Variants in DLC1 observed in about 807,000 individuals in gnomAD.
The protein encoded by DLC1 is DLC1 Rho GTPase activating protein.
A neutral mutation model predicts 140.3 loss-of-function variants in DLC1; 54 were observed. That is an observed-to-expected ratio of 0.38 (90% confidence interval 0.31 to 0.48). DLC1 has a LOEUF of 0.48. Ranked by LOEUF, DLC1 falls within the 20% of genes least tolerant of loss-of-function variation. The pLI is 0.96. For missense variants in DLC1, 2,536 were observed against 1,907.0 expected, an observed-to-expected ratio of 1.33 and a Z score of -6.14; for synonymous variants, 986 against 728.1, an observed-to-expected ratio of 1.35 and a Z score of -5.70.
intron 4 of DLC1, among the ~76,000 whole-genome samples, chr8:13,346,827 C>CA (rs1376218725): frequency 5.3e-5 from 8 of 152,114 alleles, no homozygotes; most frequent in Admixed American, 5.2e-4. Flanking sequence ...CTCTTGGATC[C>CA]AAAACAGGAG....
intron 5 of DLC1, among the ~76,000 whole-genome samples, chr8:13,185,883 A>G (rs973992922): frequency 9.9e-5 from 15 of 152,044 alleles, no homozygotes; most frequent in African/African-American, 3.4e-4. Context: ...TCTGTAAAGG[A>G]TTTTATTTCT....
At chr8:13,362,212 C>T (rs911144120) in intron 4 of DLC1, among the ~76,000 whole-genome samples, 6 of 152,192 alleles carry the variant, frequency 3.9e-5, no homozygotes, top group Middle Eastern at 3.4e-3. Context: ...AAGATGACCT[C>T]GATGACACTT....
At chr8:13,528,595 T>C (rs1802994540) in intron 1 of DLC1, among the ~76,000 whole-genome samples, 1 of 152,174 alleles carries the variant, frequency 6.6e-6, no homozygotes, top group South Asian at 2.1e-4. Flanking sequence ...TAGTTTTTTG[T>C]GGGCCAAAGT....
At chr8:13,400,750 A>G (rs1280535799) in intron 3 of DLC1, among the ~76,000 whole-genome samples, 1 of 152,084 alleles carries the variant, frequency 6.6e-6, no homozygotes, top group Non-Finnish European at 1.5e-5. Flanking sequence ...TTGAAAAGTG[A>G]TTCATAGCTT....
At chr8:13,187,700 A>G (rs1391924036) in intron 5 of DLC1, among the ~76,000 whole-genome samples, 1 of 152,206 alleles carries the variant, frequency 6.6e-6, no homozygotes, top group Admixed American at 6.5e-5. Flanking sequence ...GAGAAAAGGA[A>G]TGAGGAAATT....
intron 1 of DLC1, among the ~76,000 whole-genome samples, chr8:13,577,289 T>C (rs1195231478): frequency 6.6e-6 from 1 of 152,186 alleles, no homozygotes; most frequent in Non-Finnish European, 1.5e-5. Context: ...AGCTGCAACT[T>C]ACCAAGCCTA....
chr8:13,465,577 T>C (rs2117043600), intron 2 of DLC1, among the ~76,000 whole-genome samples: 1 of 152,302 alleles, frequency 6.6e-6, no homozygotes, highest in African/African-American at 2.4e-5. Flanking sequence ...GTTCTTCTTC[T>C]GGGTTATTTG....
At chr8:13,531,034 G>A (rs2117306332) in intron 1 of DLC1, among the ~76,000 whole-genome samples, 1 of 152,180 alleles carries the variant, frequency 6.6e-6, no homozygotes, top group Non-Finnish European at 1.5e-5. Context: ...TAGGCTTAGT[G>A]GCTTCATATG....
intron 1 of DLC1, among the ~76,000 whole-genome samples, chr8:13,525,611 C>G (rs372979535): frequency 2.0e-5 from 3 of 152,232 alleles, no homozygotes; most frequent in East Asian, 3.9e-4. Flanking sequence ...TTTTCACATG[C>G]GTATTTGTCA....
At chr8:13,472,054 A>G (rs1800232379) in intron 2 of DLC1, among the ~76,000 whole-genome samples, 1 of 152,248 alleles carries the variant, frequency 6.6e-6, no homozygotes, top group African/African-American at 2.4e-5. Flanking sequence ...GTTAAGATGG[A>G]AAATTTTTAA....
At chr8:13,352,216 A>T (rs1423916206) in intron 4 of DLC1, among the ~76,000 whole-genome samples, 2 of 152,156 alleles carry the variant, frequency 1.3e-5, no homozygotes, top group East Asian at 1.9e-4. Context: ...TGTTCCGAAC[A>T]CACGCACGGC....
At chr8:13,377,231 A>T (rs760297602) in intron 4 of DLC1, among the ~76,000 whole-genome samples, 1 of 152,210 alleles carries the variant, frequency 6.6e-6, no homozygotes, top group African/African-American at 2.4e-5. Flanking sequence ...AAGATTTCCA[A>T]TGTTTGTTCA....
At chr8:13,465,564 C>G (rs987218778) in intron 2 of DLC1, among the ~76,000 whole-genome samples, 3 of 151,582 alleles carry the variant, frequency 2.0e-5, no homozygotes, top group South Asian at 2.1e-4. Flanking sequence ...CATTTTTTTG[C>G]CCGTTCTTCT....
chr8:13,588,067 A>C (rs569070973), intron 1 of DLC1, among the ~76,000 whole-genome samples: 1 of 152,230 alleles, frequency 6.6e-6, no homozygotes, highest in South Asian at 2.1e-4. Context: ...AGGTTTTAAA[A>C]GTCAGACAGT....
chr8:13,251,785 T>G (rs1015335646), intron 5 of DLC1, among the ~76,000 whole-genome samples: 25 of 152,194 alleles, frequency 1.6e-4, no homozygotes, highest in African/African-American at 5.5e-4. Flanking sequence ...TTCCCTAATC[T>G]GTTTGAAAGT....
chr8:13,418,421 C>T (rs1838169168), intron 2 of DLC1, among the ~76,000 whole-genome samples: 1 of 152,148 alleles, frequency 6.6e-6, no homozygotes, highest in Non-Finnish European at 1.5e-5. Context: ...CCAGTTTCAG[C>T]TTTCTACATA....
At chr8:13,453,317 G>T (rs1190554226) in intron 2 of DLC1, among the ~76,000 whole-genome samples, 1 of 141,574 alleles carries the variant, frequency 7.1e-6, no homozygotes, top group African/African-American at 2.6e-5. Flanking sequence ...TCCTTAGGAG[G>T]TGTTTTTGGT....
At chr8:13,241,400 C>G (rs74302475) in intron 5 of DLC1, among the ~76,000 whole-genome samples, 1 of 152,104 alleles carries the variant, frequency 6.6e-6, no homozygotes, top group African/African-American at 2.4e-5. Context: ...CATTTCCAAC[C>G]TGATTTGGGG....
At chr8:13,408,289 A>T (rs1438601538) in intron 2 of DLC1, among the ~76,000 whole-genome samples, 2 of 152,228 alleles carry the variant, frequency 1.3e-5, no homozygotes, top group African/African-American at 2.4e-5. Flanking sequence ...ATTGTTATTT[A>T]AAGTTGCAAC....
Sources: allele counts gnomAD v4.1 joint callset (sites outside exome capture counted in the v4.1 genomes callset), GRCh38; gene constraint gnomAD v4.1.1; transcripts MANE v1.5; gene names NCBI Gene and HGNC (gene_info 2026-07-23, HGNC 2026-07-21).